XKR7: variants seen among roughly 807,000 people sequenced by gnomAD.
XKR7 encodes XK-related protein 7.
A neutral mutation model predicts 42.2 loss-of-function variants in XKR7; 11 were observed. That is an observed-to-expected ratio of 0.26 (90% CI 0.16 to 0.43). The LOEUF (loss-of-function observed/expected upper bound fraction) is 0.43, where lower values mean the gene tolerates loss of function less well. Among genes scored for constraint, XKR7 ranks in the 20% least tolerant of loss-of-function variants. XKR7 has a pLI of 1.00. For missense variants in XKR7, 710 were observed against 802.2 expected (o/e 0.89, Z 1.39); for synonymous variants, 346 against 366.4 (o/e 0.94, Z 0.64).
intron 1 of XKR7, among the ~76,000 whole-genome samples, chr20:31,992,922 G>C (rs1323775070): frequency 6.6e-6 from 1 of 152,122 alleles, no homozygotes; most frequent in Admixed American, 6.5e-5. Context: ...CATCCAGGGA[G>C]AACTGTGACT....
At chr20:31,973,977 G>A (rs904569211) in intron 1 of XKR7, among the ~76,000 whole-genome samples, 25 of 152,194 alleles carry the variant, frequency 1.6e-4, no homozygotes, top group Non-Finnish European at 2.8e-4. Flanking sequence ...GGCGGATCAC[G>A]AGGTCAAGAG....
At chr20:31,991,986 G>C (rs193213048) in intron 1 of XKR7, among the ~76,000 whole-genome samples, 2 of 152,176 alleles carry the variant, frequency 1.3e-5, no homozygotes, top group South Asian at 4.2e-4. Flanking sequence ...GCATGATGGC[G>C]TATGCCTGTA....
intron 1 of XKR7, among the ~76,000 whole-genome samples, chr20:31,989,462 T>C (rs1351826014): frequency 6.6e-6 from 1 of 151,998 alleles, no homozygotes; most frequent in Non-Finnish European, 1.5e-5. Flanking sequence ...ATCTGACAGG[T>C]TTTAAAAATA....
intron 1 of XKR7, among the ~76,000 whole-genome samples, chr20:31,971,323 C>T (rs2064464624): frequency 6.6e-6 from 1 of 152,108 alleles, no homozygotes; most frequent in African/African-American, 2.4e-5. Flanking sequence ...GTCTCGGTTT[C>T]CCTGTGTGTG....
chr20:31,993,264 G>A (rs757525729), intron 1 of XKR7, among the ~76,000 whole-genome samples: 1 of 152,172 alleles, frequency 6.6e-6, no homozygotes, highest in African/African-American at 2.4e-5. Flanking sequence ...AGGTGGCAGG[G>A]TCTGTAGCTG....
Position 31,992,183 on chromosome 20 carries a change from T to A in XKR7, c.585-2885T>A, listed in dbSNP as rs1166698666. On this transcript the variant is annotated intron_variant, in intron 1 of 2. Coordinates refer to ENST00000562532, the MANE Select transcript of XKR7 (RefSeq NM_001011718.2). ...AAACTGAGATCAAATGTTTCTTCCT[T>A]CCAAGGCATCTTATAGCATTATTTC... Among the ~76,000 whole-genome samples the A allele has an allele frequency of 3.9e-5, 6 of 152,256 alleles. No homozygotes were observed. In the East Asian group the frequency reaches 1.2e-3, roughly 29 times the overall value.
In XKR7 at chr20:31,968,229, G is replaced by T; in HGVS notation, c.54G>T (p.Gly18=). Residue 18 remains glycine, a synonymous_variant, in exon 1 of 3, where the codon GGG becomes GGT. Coordinates refer to ENST00000562532, the MANE Select transcript of XKR7 (RefSeq NM_001011718.2). The surrounding 1 kb of genome is among the most constrained non-coding windows in gnomAD (Gnocchi z 4.5). ...AAASASPDPE[G]AAGGARGSAG... ...CCTCGGCCAGCCCGGACCCGGAGGGGGCTGCCGGTGGAGCCCGGGGCAGTG... is the reference window on the plus strand; with the variant it reads ...CCTCGGCCAGCCCGGACCCGGAGGGTGCTGCCGGTGGAGCCCGGGGCAGTG... 1.7e-6 allele frequency: 2 copies of T among 1,153,912 alleles called. No homozygotes were observed. The highest frequency in any genetic ancestry group is 2.1e-6 in the Non-Finnish European group (2 of 937,852). The allele number at this position is 1,153,912 out of a possible 1,614,324, so 71.5% of individuals were successfully genotyped here.
chr20:31,994,980 C>A, intron 1 of XKR7, 88 bp from the exon 2 acceptor site: 3 of 1,511,326 alleles, frequency 2.0e-6, no homozygotes, highest in Non-Finnish European at 2.6e-6. Flanking sequence ...AGTGACTTGC[C>A]CCCTGCGCCT....
chr20:31,980,425 A>G (rs894514810), intron 1 of XKR7, among the ~76,000 whole-genome samples: 6 of 152,220 alleles, frequency 3.9e-5, no homozygotes, highest in African/African-American at 7.2e-5. Flanking sequence ...AGGAGGCTAT[A>G]TAGCTGGGAA....
chr20:31,978,890 T>G (rs962664941), intron 1 of XKR7, among the ~76,000 whole-genome samples: 2 of 151,986 alleles, frequency 1.3e-5, no homozygotes, highest in Admixed American at 1.3e-4. Flanking sequence ...ATCCCAGCAC[T>G]TTGGGAGGCC....
chr20:31,986,939 A>G (rs1185884537), intron 1 of XKR7, among the ~76,000 whole-genome samples: 2 of 150,544 alleles, frequency 1.3e-5, no homozygotes, highest in African/African-American at 4.9e-5. Flanking sequence ...CAAACAGACG[A>G]CCAAGCAGAC....
chr20:31,999,215 T>C lies in XKR7; in HGVS notation c.*1758T>C, dbSNP rs2064612548. The C allele has an allele frequency of 1.3e-5, 2 of 152,002 alleles. No homozygotes were observed. The highest frequency in any genetic ancestry group is 2.4e-5 in the African/African-American group (1 of 41,360). 9.4% of individuals were successfully genotyped at this position (152,002 alleles called of 1,614,324 possible). A position where few individuals can be genotyped will look rare whatever the true frequency, so the allele number is the denominator to read the frequency against. Reference sequence around the variant, plus strand: ...GGTTCAGCCTCTCTTGGGTTACAGATGGGAAACTGAGGCCCAGAGTGGCAG... The same window carrying C: ...GGTTCAGCCTCTCTTGGGTTACAGACGGGAAACTGAGGCCCAGAGTGGCAG... On this transcript the variant is annotated 3_prime_UTR_variant, in exon 3 of 3. Coordinates refer to ENST00000562532, the MANE Select transcript of XKR7 (RefSeq NM_001011718.2).
chr20:31,968,504 G>T lies in XKR7; in HGVS notation c.329G>T (p.Arg110Leu), dbSNP rs1167848954. ...PSLVVQLLSF[R>L]WFVYDYSEPA... ...CTGGTCGTGCAGTTACTGAGCTTCC[G>T]CTGGTTCGTCTACGACTACTCGGAG... Residue 110 changes from arginine (R) to leucine (L), a missense_variant, in exon 1 of 3, where the codon CGC (arginine) becomes CTC (leucine). Around this residue, in one of 2 missense-constraint regions of XKR7, gnomAD observed 708 missense variants for 786.2 expected, o/e 0.90. Transcript: ENST00000562532. This position sits in a 1 kb window ranked among gnomAD's most constrained non-coding sequence, Gnocchi z 4.5. 3.7e-6 allele frequency: 6 copies of T among 1,612,898 alleles called. No homozygotes were observed. The Admixed American group carries it at 1.0e-4, about 27-fold the overall frequency.
rs1400527490 is a variant in XKR7 at position 32,001,582 on chromosome 20, A to T, written c.*4125A>T. On this transcript the variant is annotated 3_prime_UTR_variant, in exon 3 of 3. Transcript: ENST00000562532. ...CCACTGCCCTCTCAGCTGAAAAGGG[A>T]AATCTGGGGGGTCCACAGGGTCCCT... is the stretch of plus-strand genomic sequence containing the variant. The T allele has an allele frequency of 6.6e-6, 1 of 152,088 alleles. No individual in the cohort carries two copies. The allele number at this position is 152,088 out of a possible 1,614,324, so 9.4% of individuals were successfully genotyped here. A position where few individuals can be genotyped will look rare whatever the true frequency, so the allele number is the denominator to read the frequency against.
intron 1 of XKR7, among the ~76,000 whole-genome samples, chr20:31,990,829 G>A (rs1424020332): frequency 6.6e-6 from 1 of 151,842 alleles, no homozygotes; most frequent in African/African-American, 2.4e-5. Context: ...AAATCTCACA[G>A]GCCCTTGGCA....
At position 31,997,755 on chromosome 20, in the gene XKR7, C is replaced by T; in HGVS notation, c.*298C>T. Reference sequence around the variant, plus strand: ...GCTTTCATGGGGCCTCCACACCTCTCCCCTGCCTGGCGTTGCCCATGTGTT... The same window carrying T: ...GCTTTCATGGGGCCTCCACACCTCTTCCCTGCCTGGCGTTGCCCATGTGTT... On this transcript the variant is annotated 3_prime_UTR_variant, in exon 3 of 3. Transcript: ENST00000562532. The T allele has an allele frequency of 5.1e-6, 2 of 389,490 alleles. No homozygotes were observed. The highest frequency in any genetic ancestry group is 8.3e-5 in the South Asian group (2 of 24,166). The allele number at this position is 389,490 out of a possible 1,614,324, so 24.1% of individuals were successfully genotyped here.
In XKR7 at chr20:31,996,599, G is replaced by A; in HGVS notation, c.882G>A (p.Leu294=). ...ACTCGCGGGACGACAAGCGGCCGCT[G>A]TCCTACAAGGGCGCCGTGGCACAGG... ...LRDSRDDKRP[L]SYKGAVAQVL... is the part of the protein sequence containing the mutation. Residue 294 remains leucine (L), a synonymous_variant, in exon 3 of 3, where the codon CTG becomes CTA. Transcript: ENST00000562532. 1 of 1,563,882 alleles carries A rather than the reference G, an allele frequency of 6.4e-7. No homozygotes were observed. Among genetic ancestry groups the A allele is most frequent in the Non-Finnish European group, 8.7e-7 (1 of 1,155,588 alleles).
At chr20:31,978,168 C>T (rs1169634784) in intron 1 of XKR7, among the ~76,000 whole-genome samples, 2 of 152,042 alleles carry the variant, frequency 1.3e-5, no homozygotes, top group African/African-American at 2.4e-5. Context: ...TGCAGTGGCA[C>T]GATCTCAGTT....
intron 1 of XKR7, among the ~76,000 whole-genome samples, chr20:31,974,038 C>T (rs1399063757): frequency 3.3e-5 from 5 of 152,054 alleles, no homozygotes; most frequent in Non-Finnish European, 7.4e-5. Context: ...ACTAAAAATA[C>T]AAAAATTAGC....
Sources: allele counts gnomAD v4.1 joint callset (sites outside exome capture counted in the v4.1 genomes callset), GRCh38; gene constraint gnomAD v4.1.1; regional missense constraint gnomAD v4.1.1; non-coding constraint Gnocchi (gnomAD v3.1); transcripts MANE v1.5; gene names NCBI Gene and HGNC (gene_info 2026-07-23, HGNC 2026-07-21).